Variants in SLC7A7 observed in about 807,000 individuals in gnomAD.
SLC7A7 encodes solute carrier family 7 member 7.
Under a neutral mutation model 47.9 loss-of-function variants are expected in SLC7A7, and 39 were observed. The observed-to-expected ratio is 0.81, with a 90% CI of 0.63 to 1.06. The LOEUF (loss-of-function observed/expected upper bound fraction) is 1.06. Among genes scored for constraint, SLC7A7 ranks in the 50% least tolerant of loss-of-function variants. SLC7A7 has a pLI of 0.00. For synonymous variants in SLC7A7, 234 were observed against 242.8 expected (o/e 0.96, Z 0.34); for missense variants, 588 against 632.0 (o/e 0.93, Z 0.75).
chr14:22,804,251 A>G (rs141405525), intron 2 of SLC7A7, among the ~76,000 whole-genome samples: 2 of 152,296 alleles, frequency 1.3e-5, no homozygotes, highest in East Asian at 3.9e-4. Flanking sequence ...TAAAAACCCT[A>G]GAAAAAAATC....
chr14:22,805,415 A>G (rs10145611), intron 2 of SLC7A7, among the ~76,000 whole-genome samples: 19,065 of 152,266 alleles, frequency 0.13, 1,341 homozygotes, highest in South Asian at 0.19. Flanking sequence ...CATATATACC[A>G]TGAAATAGTA....
intron 2 of SLC7A7, among the ~76,000 whole-genome samples, chr14:22,804,774 C>G (rs940900258): frequency 6.6e-6 from 1 of 151,982 alleles, no homozygotes; most frequent in Non-Finnish European, 1.5e-5. Flanking sequence ...AGGTGGATCA[C>G]CTGAGGTCAG....
Position 22,813,060 on chromosome 14 carries a change from T to G in SLC7A7, c.339A>C (p.Gly113=), listed in dbSNP as rs139270936. 278 of 1,613,902 alleles carry G rather than the reference T, an allele frequency of 1.7e-4. No homozygotes were observed. Among genetic ancestry groups the G allele is most frequent in the Middle Eastern group, 1.3e-3 (8 of 6,084 alleles). ...SYAYILEAFG[G]FLAFIRLWTS... The stretch of plus-strand genomic sequence containing the variant: ...TCCAGAGTCTGATGAAAGCAAGGAA[T>G]CCTCCAAAGGCCTCCAGGATATAGG... The change falls in exon 2 of 10, where the codon GGA becomes GGC. Residue 113 remains glycine (G), a synonymous_variant. Transcript: ENST00000674313.
In SLC7A7 at chr14:22,788,732, C is replaced by A. The variant is rs375570127; in HGVS notation, c.500-8681G>T. 8.0e-5 allele frequency among the ~76,000 whole-genome samples: 12 copies of A among 149,842 alleles called. No homozygotes were observed. The East Asian group carries it at 1.2e-3, about 15-fold the overall frequency. ...AAAAAAAAAAAAAAAAGTGAACAAT[C>A]TACGACTACAGACAAAAATACAGAA... On this transcript the variant is annotated intron_variant, in intron 2 of 9. Transcript: ENST00000674313.
intron 2 of SLC7A7, among the ~76,000 whole-genome samples, chr14:22,802,958 G>A (rs943250539): frequency 1.0e-4 from 15 of 150,654 alleles, no homozygotes; most frequent in Admixed American, 2.0e-4. Flanking sequence ...TGCCTAAAAC[G>A]TCCTGCCCCC....
intron 2 of SLC7A7, among the ~76,000 whole-genome samples, chr14:22,788,574 G>C (rs537048240): frequency 3.3e-4 from 50 of 151,800 alleles, no homozygotes; most frequent in African/African-American, 1.0e-3. Flanking sequence ...CGTGGTGGCG[G>C]GCACCTGTCA....
At chr14:22,790,327 CAAAAAAAAAA>C (rs538548693) in intron 2 of SLC7A7, among the ~76,000 whole-genome samples, 5 of 83,186 alleles carry the variant, frequency 6.0e-5, no homozygotes, top group Admixed American at 1.4e-4. Context: ...AAGACTGTCT[CAAAAAAAAAA>C]AAAAAAAAAA....
intron 2 of SLC7A7, among the ~76,000 whole-genome samples, chr14:22,790,306 G>C (rs1042078560): frequency 6.3e-5 from 8 of 127,860 alleles, no homozygotes; most frequent in Non-Finnish European, 1.1e-4. Flanking sequence ...TTCCAGCCTG[G>C]GTGACAGAGC....
At chr14:22,775,990 A>G in intron 5 of SLC7A7, 54 bp from the exon 6 acceptor site, 1 of 1,469,124 alleles carries the variant, frequency 6.8e-7, no homozygotes, top group Non-Finnish European at 9.5e-7. Context: ...GATGAAAGAC[A>G]TGGATGGGCA....
chr14:22,793,536 G>T (rs566113453), intron 2 of SLC7A7, among the ~76,000 whole-genome samples: 69 of 152,268 alleles, frequency 4.5e-4, no homozygotes, highest in African/African-American at 1.5e-3. Context: ...TTAGGGCTGG[G>T]CACGGTGGCT....
chr14:22,815,217 G>A, intron 1 of SLC7A7, 103 bp downstream of exon 1: 1 of 384,310 alleles, frequency 2.6e-6, no homozygotes, highest in Non-Finnish European at 5.3e-6. Flanking sequence ...AGATGTTAGG[G>A]TGAGAGGCAC....
chr14:22,774,633 T>G, intron 7 of SLC7A7, 130 bp from the exon 8 acceptor site: 1 of 1,180,960 alleles, frequency 8.5e-7, no homozygotes, highest in Non-Finnish European at 1.3e-6. Context: ...CTGGTTTTAA[T>G]CCCTTTAACA....
rs985983101 is a variant in SLC7A7, at chr14:22,774,568, C to T, written c.1096-65G>A. 6.2e-6 allele frequency: 10 copies of T among 1,603,770 alleles called. No homozygotes were observed. In the African/African-American group the frequency reaches 8.0e-5, roughly 13 times the overall value. Reference sequence around the variant, plus strand: ...TGTTAATCCAAAGGCTTTTCACTCCCTTTATACCCCAGAAATCCATCCCCT... The same window carrying T: ...TGTTAATCCAAAGGCTTTTCACTCCTTTTATACCCCAGAAATCCATCCCCT... On this transcript the variant is annotated intron_variant, in intron 7 of 9. Transcript: ENST00000674313.
At chr14:22,815,938 G>T (rs1253674891), upstream of SLC7A7, 1 of 334,904 alleles carries the variant, frequency 3.0e-6, no homozygotes, top group Non-Finnish European at 6.0e-6. Context: ...ATGTGACTGG[G>T]TGTTCTAAGA....
At position 22,773,860 on chromosome 14, in the gene SLC7A7, A is replaced by G; in HGVS notation, c.1429+73T>C. ...GGGGCTAAGGCAAAGATGTCTTTGG[A>G]GGCTGGATTTACAGAAAAAGGCAAA... On this transcript the variant is annotated intron_variant, in intron 9 of 9. Transcript: ENST00000674313. The G allele has an allele frequency of 5.6e-6, 9 of 1,593,228 alleles. No homozygotes were observed. The South Asian group carries it at 1.0e-4, about 18-fold the overall frequency.
At position 22,774,489 on chromosome 14, in the gene SLC7A7, C is replaced by T. The variant is rs1267303478; in HGVS notation, c.1110G>A (p.Leu370=). Residue 370 remains leucine (L), a synonymous_variant, in exon 8 of 10, where the codon TTG becomes TTA. Transcript: ENST00000674313. Reference sequence around the variant, plus strand: ...AGATGTCTTCCACGCACAAGTAGATCAATGCCATGATACCCTGTAAGCGTG... The same window carrying T: ...AGATGTCTTCCACGCACAAGTAGATTAATGCCATGATACCCTGTAAGCGTG... ...PSLLFNGIMA[L]IYLCVEDIFQ... is the part of the protein sequence containing the mutation. 5 of 1,614,016 alleles carry T rather than the reference C, an allele frequency of 3.1e-6. No homozygotes were observed. In the African/African-American group the frequency reaches 6.7e-5, roughly 22 times the overall value.
At chr14:22,776,152 C>T (rs1396797239) in intron 5 of SLC7A7, 43 bp downstream of exon 5, 1 of 1,613,858 alleles carries the variant, frequency 6.2e-7, no homozygotes, top group Non-Finnish European at 8.5e-7. Context: ...TACCCAGTAC[C>T]CCACAAGACA....
chr14:22,794,509 A>G (rs1042367298), intron 2 of SLC7A7, among the ~76,000 whole-genome samples: 4 of 152,150 alleles, frequency 2.6e-5, no homozygotes, highest in African/African-American at 9.7e-5. Context: ...TCAAGTCCTC[A>G]GGTACCAGAT....
intron 2 of SLC7A7, among the ~76,000 whole-genome samples, chr14:22,807,227 C>T (rs971346349): frequency 6.6e-6 from 1 of 152,090 alleles, no homozygotes; most frequent in Admixed American, 6.6e-5. Flanking sequence ...ACCCTCATCT[C>T]TGTTCCTAAG....
Sources: gnomAD v4.1 joint callset for allele counts (sites outside exome capture counted in the v4.1 genomes callset) on GRCh38, gnomAD v4.1.1 for gene constraint, MANE v1.5 for transcripts, NCBI Gene and HGNC (gene_info 2026-07-23, HGNC 2026-07-21) for gene names.